Variants in IQGAP2 observed in about 807,000 individuals in gnomAD.
IQGAP2 encodes IQ motif containing GTPase activating protein 2.
A neutral mutation model predicts 201.3 loss-of-function variants in IQGAP2; 173 were observed. The observed-to-expected ratio is 0.86, with a 90% CI of 0.76 to 0.98. The LOEUF (loss-of-function observed/expected upper bound fraction) is 0.98. Among genes scored for constraint, IQGAP2 ranks in the 50% least tolerant of loss-of-function variants. IQGAP2 has a pLI of 0.00. For missense variants in IQGAP2, 1,687 were observed against 1,864.8 expected (o/e 0.90, Z 1.76); for synonymous variants, 675 against 673.9 (o/e 1.00, Z -0.03).
At position 76,668,660 on chromosome 5, in the gene IQGAP2, T is replaced by C. The variant is rs370216440; in HGVS notation, c.2680-21T>C. ...TGTTTTGTGGGATTTTTTTGTTTTC[T>C]TTTTCCTTCTTTCCTTCTAGACCAA... On this transcript the variant is annotated intron_variant, in intron 22 of 35. Transcript: ENST00000274364. The C allele has an allele frequency of 3.6e-4, 569 of 1,591,752 alleles. 3 individuals are homozygous for C. In the South Asian group the frequency reaches 6.3e-3, roughly 18 times the overall value.
intron 5 of IQGAP2, among the ~76,000 whole-genome samples, chr5:76,586,499 A>G (rs1018018772): frequency 6.6e-6 from 1 of 152,264 alleles, no homozygotes; most frequent in African/African-American, 2.4e-5. Flanking sequence ...CAATGCATGT[A>G]TGAAAAAATA....
chr5:76,688,742 G>A (rs1313369255), intron 30 of IQGAP2, among the ~76,000 whole-genome samples: 1 of 152,104 alleles, frequency 6.6e-6, no homozygotes, highest in African/African-American at 2.4e-5. Flanking sequence ...AAGAGAGAAA[G>A]AGAATAACAT....
In IQGAP2 at chr5:76,665,148, A is replaced by T; in HGVS notation, c.2652A>T (p.Thr884=). 1 of 1,613,714 alleles carries T rather than the reference A, an allele frequency of 6.2e-7. No individual in the cohort carries two copies. Among genetic ancestry groups the T allele is most frequent in the Non-Finnish European group, 8.5e-7 (1 of 1,179,740 alleles). ...AGGAGAGGAGAAAAACACTAGAAAC[A>T]TATCAGCAGCTGTTTTACCTTTTAC... ...LSKERRKTLE[T]YQQLFYLLQT... Residue 884 remains threonine, a synonymous_variant, in exon 22 of 36, where the codon ACA becomes ACT. Coordinates refer to ENST00000274364, the MANE Select transcript of IQGAP2 (RefSeq NM_006633.5).
At chr5:76,663,979 C>T (rs1438856227) in intron 21 of IQGAP2, among the ~76,000 whole-genome samples, 1 of 152,218 alleles carries the variant, frequency 6.6e-6, no homozygotes, top group Non-Finnish European at 1.5e-5. Context: ...CAAACTTTCT[C>T]CATATCAGCA....
At chr5:76,447,974 C>A (rs927829385) in intron 1 of IQGAP2, among the ~76,000 whole-genome samples, 2 of 152,140 alleles carry the variant, frequency 1.3e-5, no homozygotes, top group Admixed American at 6.5e-5. Flanking sequence ...TGTTTCCTCT[C>A]TTCTGCATGT....
At chr5:76,412,846 G>T (rs147652350) in intron 1 of IQGAP2, among the ~76,000 whole-genome samples, 1 of 152,232 alleles carries the variant, frequency 6.6e-6, no homozygotes, top group African/African-American at 2.4e-5. Context: ...CTGGCAAGTT[G>T]TTTTAATTTC....
chr5:76,520,215 A>G (rs1163549238), intron 2 of IQGAP2, among the ~76,000 whole-genome samples: 1 of 152,078 alleles, frequency 6.6e-6, no homozygotes. Context: ...ATAAGATGTA[A>G]GGTATAAGTT....
intron 2 of IQGAP2, among the ~76,000 whole-genome samples, chr5:76,526,909 G>A (rs1019357140): frequency 6.6e-5 from 10 of 152,214 alleles, no homozygotes; most frequent in African/African-American, 2.2e-4. Flanking sequence ...AGGCCATAAG[G>A]ATGTGTTCTT....
At chr5:76,560,960 A>G (rs539676094) in intron 2 of IQGAP2, among the ~76,000 whole-genome samples, 1 of 152,348 alleles carries the variant, frequency 6.6e-6, no homozygotes, top group Admixed American at 6.5e-5. Flanking sequence ...AACAACAGTA[A>G]CTAATAATAA....
chr5:76,641,070 G>T lies in IQGAP2; in HGVS notation c.2061G>T (p.Leu687Phe). The T allele has an allele frequency of 1.2e-6, 2 of 1,607,280 alleles. No individual in the cohort carries two copies. Among genetic ancestry groups the T allele is most frequent in the Non-Finnish European group, 1.7e-6 (2 of 1,174,568 alleles). Residue 687 changes from leucine (L) to phenylalanine (F), a missense_variant, in exon 17 of 36, where the codon TTG becomes TTT. By Grantham distance (22) the Leu-to-Phe change is conservative. Transcript: ENST00000274364. ...REEFEARKSFLHEQEENVVKI... is the reference protein window; with the variant it reads ...REEFEARKSFFHEQEENVVKI... The stretch of plus-strand genomic sequence containing the variant: ...AGTTTGAAGCTAGAAAATCATTTTT[G>T]CATGAACAAGAAGAGAATGTGGTCA...
In IQGAP2 at chr5:76,562,524, T is replaced by C. The variant is rs1351413619; in HGVS notation, c.275T>C (p.Ile92Thr). 3 of 1,614,078 alleles carry C rather than the reference T, an allele frequency of 1.9e-6. No individual in the cohort carries two copies. In the East Asian group the frequency reaches 6.7e-5, roughly 36 times the overall value. Residue 92 changes from isoleucine to threonine, a missense_variant, in exon 3 of 36, where the codon ATC becomes ACC. Physicochemically the swap from Ile to Thr is moderately conservative, Grantham distance 89. Transcript: ENST00000274364. ...CCGAAAATGGTATCAGAGAAAAAGA[T>C]CTATGATGTGGAACAAACACGTTAT... The part of the protein sequence containing the change: ...FAPKMVSEKK[I>T]YDVEQTRYKK...
intron 2 of IQGAP2, among the ~76,000 whole-genome samples, chr5:76,515,102 G>A (rs1188887504): frequency 6.6e-6 from 1 of 152,186 alleles, no homozygotes; most frequent in African/African-American, 2.4e-5. Flanking sequence ...TGAATGAAGA[G>A]TTTAGATTGG....
chr5:76,429,593 T>A (rs1290839539), intron 1 of IQGAP2, among the ~76,000 whole-genome samples: 1 of 127,716 alleles, frequency 7.8e-6, no homozygotes, highest in South Asian at 2.4e-4. Context: ...TATATATATA[T>A]ATATGTATAT....
intron 29 of IQGAP2, among the ~76,000 whole-genome samples, 196 bp from the exon 30 acceptor site, chr5:76,683,580 T>A (rs1745488297): frequency 6.6e-6 from 1 of 152,208 alleles, no homozygotes; most frequent in South Asian, 2.1e-4. Context: ...AATACCTATG[T>A]CCCATGTCAT....
chr5:76,602,369 A>G (rs1229747974), intron 11 of IQGAP2, among the ~76,000 whole-genome samples: 5 of 152,172 alleles, frequency 3.3e-5, no homozygotes, highest in African/African-American at 1.2e-4. Flanking sequence ...CCACATATTT[A>G]GCATCCCTGG....
chr5:76,533,970 C>T (rs751427828), intron 2 of IQGAP2, among the ~76,000 whole-genome samples: 16 of 152,208 alleles, frequency 1.1e-4, no homozygotes, highest in Non-Finnish European at 1.9e-4. Flanking sequence ...GGAAATTGGA[C>T]TACATCAAAG....
chr5:76,535,957 G>T (rs1032260642), intron 2 of IQGAP2, among the ~76,000 whole-genome samples: 1 of 151,136 alleles, frequency 6.6e-6, no homozygotes, highest in Admixed American at 6.6e-5. Context: ...TGTGGTTGAT[G>T]AAAACATAAA....
At chr5:76,429,877 A>ACACACACACG (rs1448951358) in intron 1 of IQGAP2, among the ~76,000 whole-genome samples, 5 of 151,370 alleles carry the variant, frequency 3.3e-5, no homozygotes, top group African/African-American at 1.2e-4. Context: ...ACACACACAC[A>ACACACACACG]CACACACACA....
chr5:76,418,849 G>T (rs1271353663), intron 1 of IQGAP2, among the ~76,000 whole-genome samples: 1 of 152,146 alleles, frequency 6.6e-6, no homozygotes, highest in Non-Finnish European at 1.5e-5. Flanking sequence ...TGTGGCTGGG[G>T]TCACTTAATG....
Sources: gnomAD v4.1 joint callset for allele counts (sites outside exome capture counted in the v4.1 genomes callset) on GRCh38, gnomAD v4.1.1 for gene constraint, MANE v1.5 for transcripts, NCBI Gene and HGNC (gene_info 2026-07-23, HGNC 2026-07-21) for gene names.